GRHL3: variants seen among roughly 807,000 people sequenced by gnomAD.
GRHL3 encodes the protein grainyhead like transcription factor 3, also known as grainyhead-like protein 3 homolog.
GRHL3 carries 20 observed loss-of-function variants against 70.3 expected under a neutral mutation model. That is an observed-to-expected ratio of 0.28 (90% confidence interval 0.20 to 0.41). The LOEUF (loss-of-function observed/expected upper bound fraction) is 0.41. Ranked by LOEUF, GRHL3 falls within the 10% of genes least tolerant of loss-of-function variation. GRHL3 has a pLI of 1.00. For synonymous variants in GRHL3, 299 were observed against 299.9 expected, an observed-to-expected ratio of 1.00 and a Z score of 0.03; for missense variants, 637 against 762.3, an observed-to-expected ratio of 0.84 and a Z score of 1.94.
exon 16 of GRHL3, chr1:24,364,365 G>A (rs558169785): frequency 1.2e-5 from 18 of 1,539,744 alleles, no homozygotes; most frequent in South Asian, 3.7e-5. Context: ...CTGTAAACTC[G>A]GAATGACACA....
At chr1:24,337,389 G>C (rs111282841) in intron 5 of GRHL3, 660 of 591,306 alleles carry the variant, frequency 1.1e-3, no homozygotes, top group African/African-American at 9.7e-3. Flanking sequence ...AGTTTTCCCT[G>C]GTTTTGTCAC....
At position 24,321,834 on chromosome 1, in the gene GRHL3, GCGC is replaced by G. The variant is rs1229079849; in HGVS notation, c.17+2269_17+2271del. 6.6e-6 allele frequency: 1 copy of G among 152,302 alleles called. No individual in the cohort carries two copies. The highest frequency in any genetic ancestry group is 1.5e-5 in the Non-Finnish European group (1 of 68,138). 9.4% of individuals were successfully genotyped at this position (152,302 alleles called of 1,614,324 possible). A position where few individuals can be genotyped will look rare whatever the true frequency, so the allele number is the denominator to read the frequency against. On this transcript the variant is annotated intron_variant, in intron 1 of 15. Coordinates refer to ENST00000361548, the MANE Select transcript of GRHL3 (RefSeq NM_198173.3). This position sits in a 1 kb window ranked among gnomAD's most constrained non-coding sequence, Gnocchi z 4.0. ...GCTGGAGGTGGCTGGCGGGTGCTGA[GCGC>G]CGGGCCTTTCATGTGGTCGCAGCGC... is the stretch of plus-strand genomic sequence containing the variant.
At chr1:24,323,160 A>G (rs777816023) in intron 1 of GRHL3, 58 of 1,264,770 alleles carry the variant, frequency 4.6e-5, no homozygotes, top group African/African-American at 3.6e-4. Flanking sequence ...TTACAAACCT[A>G]TGTTACCTTT....
chr1:24,336,840 C>A lies in GRHL3; in HGVS notation c.612+13C>A, dbSNP rs775035732. The A allele has an allele frequency of 6.4e-7, 1 of 1,564,676 alleles. No individual in the cohort carries two copies. Among genetic ancestry groups the A allele is most frequent in the Non-Finnish European group, 8.7e-7 (1 of 1,144,782 alleles). ...TGACCCACAGGAGGTGAGGGCGCAT[C>A]CCCGCTCCCCTATAGCATAGATATG... On this transcript the variant is annotated intron_variant, in intron 4 of 15. Transcript: ENST00000361548.
rs1639735003 is a variant in GRHL3, at chr1:24,334,834, G to T, written c.266+128G>T. On this transcript the variant is annotated intron_variant, in intron 3 of 15. Transcript: ENST00000361548. This position sits in a 1 kb window ranked among gnomAD's most constrained non-coding sequence, Gnocchi z 4.3. Reference sequence around the variant, plus strand: ...GCTGAGGGCCCACAACACATTTTGGGATTCATGATAATGTTTTCATTTATT... The same window carrying T: ...GCTGAGGGCCCACAACACATTTTGGTATTCATGATAATGTTTTCATTTATT... 1 of 515,358 alleles carries T rather than the reference G, an allele frequency of 1.9e-6. No homozygotes were observed. The highest frequency in any genetic ancestry group is 3.4e-6 in the Non-Finnish European group (1 of 294,438). The allele number at this position is 515,358 out of a possible 1,614,324, so 31.9% of individuals were successfully genotyped here.
At chr1:24,319,720 C>CCATACTTTG in intron 1 of GRHL3, 152 bp downstream of exon 1, 1 of 1,573,852 alleles carries the variant, frequency 6.4e-7, no homozygotes, top group Non-Finnish European at 8.6e-7. Context: ...TTTGGCGTGT[C>CCATACTTTG]AAGGCAAGCC....
chr1:24,363,448 G>A (rs1441870635), intron 15 of GRHL3, among the ~76,000 whole-genome samples: 2 of 152,176 alleles, frequency 1.3e-5, no homozygotes, highest in Non-Finnish European at 2.9e-5. Context: ...GCCATGACTG[G>A]TGACAACTTC....
intron 3 of GRHL3, 86 bp from the exon 4 acceptor site, chr1:24,336,396 A>C: frequency 4.9e-6 from 4 of 821,366 alleles, no homozygotes; most frequent in Non-Finnish European, 7.9e-6. Context: ...ATCAAAGGCC[A>C]GTGTGTCAGT....
At position 24,334,633 on chromosome 1, in the gene GRHL3, C is replaced by T. The variant is rs768931628; in HGVS notation, c.205-12C>T. The stretch of plus-strand genomic sequence containing the variant: ...TTAGCCATGCATAAATCCTTCCTTT[C>T]TCTCTTCTCAGGGTCCCAAGGAGAA... On this transcript the variant is annotated splice_polypyrimidine_tract_variant and intron_variant, in intron 2 of 15. Coordinates refer to ENST00000361548, the MANE Select transcript of GRHL3 (RefSeq NM_198173.3). This position sits in a 1 kb window ranked among gnomAD's most constrained non-coding sequence, Gnocchi z 4.3. 19 of 1,608,282 alleles carry T rather than the reference C, an allele frequency of 1.2e-5. No individual in the cohort carries two copies. The highest frequency in any genetic ancestry group is 1.6e-5 in the Non-Finnish European group (19 of 1,176,980).
At position 24,363,820 on chromosome 1, in the gene GRHL3, GAGC is replaced by G. The variant is rs567288069; in HGVS notation, c.1695-363_1695-361del. On this transcript the variant is annotated intron_variant, in intron 15 of 15. Transcript: ENST00000350501. ...GCATTTCCAGCAGAGGGAACAGCAGGAGCAAAAGCATGGAATGGGGAAAGCTGT... is the reference window on the plus strand; with the variant it reads ...GCATTTCCAGCAGAGGGAACAGCAGGAAAAGCATGGAATGGGGAAAGCTGT... Among the ~76,000 whole-genome samples the G allele has an allele frequency of 2.2e-3, 336 of 152,276 alleles. 2 individuals carry two copies. Among genetic ancestry groups the G allele is most frequent in the African/African-American group, 7.6e-3 (317 of 41,550 alleles).
chr1:24,320,254 C>T (rs1639129035), intron 1 of GRHL3, among the ~76,000 whole-genome samples: 1 of 152,210 alleles, frequency 6.6e-6, no homozygotes, highest in African/African-American at 2.4e-5. Context: ...AAGATGCGTT[C>T]AGTAAAATGT....
chr1:24,342,879 CT>C lies in GRHL3; in HGVS notation c.1286-11del. ...AGGGACCTCGGGGCACATTGGCTTC[CT>C]TCTCCCATCAGGCGTCAAGGGCTGC... is the stretch of plus-strand genomic sequence containing the variant. On this transcript the variant is annotated splice_polypyrimidine_tract_variant and intron_variant, in intron 10 of 15. Coordinates refer to ENST00000361548, the MANE Select transcript of GRHL3 (RefSeq NM_198173.3). This position sits in a 1 kb window ranked among gnomAD's most constrained non-coding sequence, Gnocchi z 4.8. 1 of 1,614,192 alleles carries C rather than the reference CT, an allele frequency of 6.2e-7. No individual in the cohort carries two copies. Among genetic ancestry groups the C allele is most frequent in the Non-Finnish European group, 8.5e-7 (1 of 1,180,042 alleles).
chr1:24,332,610 G>A (rs1639653382), intron 2 of GRHL3, among the ~76,000 whole-genome samples: 1 of 152,210 alleles, frequency 6.6e-6, no homozygotes, highest in Non-Finnish European at 1.5e-5. Context: ...ACAGCAAACT[G>A]ACTTGCTGTC....
At chr1:24,336,327 A>G (rs764095973) in intron 3 of GRHL3, among the ~76,000 whole-genome samples, 155 bp from the exon 4 acceptor site, 4 of 151,908 alleles carry the variant, frequency 2.6e-5, no homozygotes, top group Non-Finnish European at 5.9e-5. Flanking sequence ...CCTGTGGCCA[A>G]TTGGGCTGCT....
At chr1:24,341,729 G>T (rs1428078317) in intron 8 of GRHL3, among the ~76,000 whole-genome samples, 1 of 152,160 alleles carries the variant, frequency 6.6e-6, no homozygotes, top group African/African-American at 2.4e-5. Context: ...CCACCTCCTT[G>T]TCCTGAGTTG....
chr1:24,349,694 G>A (rs907720302), intron 14 of GRHL3, among the ~76,000 whole-genome samples: 13 of 152,210 alleles, frequency 8.5e-5, no homozygotes, highest in Admixed American at 7.8e-4. Context: ...AATGGTAGAT[G>A]CTCTTCAGGA....
chr1:24,364,390 A>G (rs1226783638), exon 16 of GRHL3: 1 of 1,522,978 alleles, frequency 6.6e-7, no homozygotes, highest in Non-Finnish European at 8.8e-7. Flanking sequence ...CCTGGAGGAG[A>G]GGTGGAAGGA....
intron 1 of GRHL3, chr1:24,323,250 G>A (rs1484786274): frequency 1.5e-6 from 1 of 665,224 alleles, no homozygotes; most frequent in Non-Finnish European, 2.7e-6. Flanking sequence ...GTGGTCCGTG[G>A]ACCATCATCA....
In GRHL3 at chr1:24,321,872, C is replaced by G. The variant is rs1312232186; in HGVS notation, c.17+2304C>G. ...CATGTGGTCGCAGCGCTCTGGGTGC[C>G]TGGAGCCCGCAGCCCTGGGCAGCCC... On this transcript the variant is annotated intron_variant, in intron 1 of 15. Coordinates refer to ENST00000361548, the MANE Select transcript of GRHL3 (RefSeq NM_198173.3). This position sits in a 1 kb window ranked among gnomAD's most constrained non-coding sequence, Gnocchi z 4.0. 6.6e-6 allele frequency: 1 copy of G among 152,216 alleles called. No individual in the cohort carries two copies. The highest frequency in any genetic ancestry group is 1.5e-5 in the Non-Finnish European group (1 of 68,082). The allele number at this position is 152,216 out of a possible 1,614,324, so 9.4% of individuals were successfully genotyped here.
Sources: allele counts gnomAD v4.1 joint callset (sites outside exome capture counted in the v4.1 genomes callset), GRCh38; gene constraint gnomAD v4.1.1; non-coding constraint Gnocchi (gnomAD v3.1); transcripts MANE v1.5; gene names NCBI Gene and HGNC (gene_info 2026-07-23, HGNC 2026-07-21).